DEUP1: variants seen among roughly 807,000 people sequenced by gnomAD.
DEUP1 encodes coiled-coil domain containing 67.
A neutral mutation model predicts 87.4 loss-of-function variants in DEUP1; 82 were observed. That is an observed-to-expected ratio of 0.94 (90% CI 0.78 to 1.13). The LOEUF is 1.13. Among genes scored for constraint, DEUP1 ranks in the 50% most tolerant of loss-of-function variants. The pLI is 0.00. For missense variants in DEUP1, 663 were observed against 681.5 expected, an observed-to-expected ratio of 0.97 and a Z score of 0.30; for synonymous variants, 214 against 222.7, an observed-to-expected ratio of 0.96 and a Z score of 0.35.
In DEUP1 at chr11:93,355,370, GA is replaced by G. The variant is rs1441851887; in HGVS notation, c.31del (p.Thr11LeufsTer11). 3.7e-6 allele frequency: 6 copies of G among 1,611,996 alleles called. No individual in the cohort carries two copies. The highest frequency in any genetic ancestry group is 5.1e-6 in the Non-Finnish European group (6 of 1,179,342). MENQAHNTM[G>X]TSPCEAELQE... ...GTATTTTACTTTCCTACAATTGCCA[GA>G]ACTTCTCCTTGTGAGGCTGAGCTTC... On this transcript the variant is annotated frameshift_variant and splice_region_variant, in exon 3 of 14. Transcript: ENST00000298050. LOFTEE classifies it high-confidence loss of function.
At chr11:93,367,799 A>T (rs186427139) in intron 5 of DEUP1, among the ~76,000 whole-genome samples, 3 of 152,304 alleles carry the variant, frequency 2.0e-5, no homozygotes, top group Admixed American at 2.0e-4. Flanking sequence ...TTTGTTTCCA[A>T]CCATGTTGTT....
intron 2 of DEUP1, among the ~76,000 whole-genome samples, chr11:93,348,672 A>C (rs1268895274): frequency 6.6e-6 from 1 of 152,132 alleles, no homozygotes; most frequent in Non-Finnish European, 1.5e-5. Context: ...TTGATTTCTA[A>C]TTTGACTTTT....
At chr11:93,373,636 T>TAA (rs1223887580) in intron 7 of DEUP1, among the ~76,000 whole-genome samples, 5 of 146,824 alleles carry the variant, frequency 3.4e-5, no homozygotes, top group African/African-American at 7.5e-5. Context: ...TATATATATA[T>TAA]ATATATATAT....
chr11:93,342,891 G>A (rs776970958), intron 2 of DEUP1, among the ~76,000 whole-genome samples: 1 of 152,144 alleles, frequency 6.6e-6, no homozygotes, highest in Non-Finnish European at 1.5e-5. Context: ...GGATCATGAG[G>A]GGTTTTTATC....
rs180833115 is a variant in DEUP1 at position 93,356,402 on chromosome 11, A to C, written c.202-546A>C. On this transcript the variant is annotated intron_variant, in intron 3 of 13. Transcript: ENST00000298050. ...ATGGCATATGCATTCTTCTTCTTTT[A>C]GCTTTTATATGTATACTGACACAGA... Among the ~76,000 whole-genome samples the C allele has an allele frequency of 1.4e-3, 211 of 152,310 alleles. 1 individual carries two copies. The highest frequency in any genetic ancestry group is 4.9e-3 in the African/African-American group (205 of 41,562).
At chr11:93,362,095 C>A (rs1945202604) in intron 4 of DEUP1, among the ~76,000 whole-genome samples, 1 of 151,982 alleles carries the variant, frequency 6.6e-6, no homozygotes, top group Non-Finnish European at 1.5e-5. Context: ...AAATGTAAAA[C>A]CTAAATCTAA....
At chr11:93,365,861 C>A (rs1945390055) in intron 5 of DEUP1, among the ~76,000 whole-genome samples, 1 of 152,124 alleles carries the variant, frequency 6.6e-6, no homozygotes, top group African/African-American at 2.4e-5. Context: ...TTTTAGTCTG[C>A]AGGTAAACCT....
At chr11:93,416,606 A>C (rs1386493729) in intron 13 of DEUP1, among the ~76,000 whole-genome samples, 8 of 151,876 alleles carry the variant, frequency 5.3e-5, no homozygotes, top group Admixed American at 1.3e-4. Context: ...AGGTACAAGG[A>C]GGAACTGGTA....
intron 2 of DEUP1, among the ~76,000 whole-genome samples, chr11:93,337,597 C>G (rs985394761): frequency 1.3e-5 from 2 of 152,162 alleles, no homozygotes; most frequent in East Asian, 3.8e-4. Context: ...TTTCTTGTAT[C>G]TCTGAAGAAG....
At chr11:93,384,709 T>C (rs1946456628) in intron 7 of DEUP1, among the ~76,000 whole-genome samples, 1 of 152,254 alleles carries the variant, frequency 6.6e-6, no homozygotes, top group African/African-American at 2.4e-5. Flanking sequence ...TTATTATCTT[T>C]TTACAATTTG....
chr11:93,413,713 T>C (rs1254434744), intron 12 of DEUP1, among the ~76,000 whole-genome samples: 1 of 152,202 alleles, frequency 6.6e-6, no homozygotes, highest in Non-Finnish European at 1.5e-5. Context: ...AATCTCAATG[T>C]TATTGTTTTC....
Position 93,373,632 on chromosome 11 carries a change from T to TAC in DEUP1, c.789+2353_789+2354insCA, listed in dbSNP as rs1252337940. 1.9e-3 allele frequency among the ~76,000 whole-genome samples: 270 copies of TAC among 145,244 alleles called. 2 individuals are homozygous for TAC. The East Asian group carries it at 0.025, about 13-fold the overall frequency. On this transcript the variant is annotated intron_variant, in intron 7 of 13. Coordinates refer to ENST00000298050, the MANE Select transcript of DEUP1 (RefSeq NM_181645.4). ...ATATATGTATATATATACGTATATATATATATATATATATATATACGTATA... is the reference window on the plus strand; with the variant it reads ...ATATATGTATATATATACGTATATATACATATATATATATATATATACGTATA...
intron 7 of DEUP1, among the ~76,000 whole-genome samples, chr11:93,381,455 C>A (rs1428607647): frequency 6.6e-6 from 1 of 152,146 alleles, no homozygotes; most frequent in Non-Finnish European, 1.5e-5. Context: ...GTTTATGGCA[C>A]ACTTTAATAG....
At chr11:93,413,206 A>G (rs1171604107) in intron 12 of DEUP1, among the ~76,000 whole-genome samples, 1 of 151,842 alleles carries the variant, frequency 6.6e-6, no homozygotes, top group African/African-American at 2.4e-5. Context: ...AATAATTTCA[A>G]ATTGAAGGGA....
At chr11:93,338,519 C>T (rs1165957750) in intron 2 of DEUP1, among the ~76,000 whole-genome samples, 1 of 151,790 alleles carries the variant, frequency 6.6e-6, no homozygotes, top group Non-Finnish European at 1.5e-5. Context: ...CAATCCTCCA[C>T]CTCAGCCTCC....
At chr11:93,383,397 T>A (rs777935740) in intron 7 of DEUP1, 2 of 426,370 alleles carry the variant, frequency 4.7e-6, no homozygotes, top group Admixed American at 4.0e-5. Context: ...ACCATTTGTA[T>A]GAAACATCTA....
intron 11 of DEUP1, among the ~76,000 whole-genome samples, chr11:93,402,668 T>C (rs1947154127): frequency 6.6e-6 from 1 of 151,926 alleles, no homozygotes; most frequent in Admixed American, 6.6e-5. Context: ...GGAATATTAT[T>C]CAGCCAGAAA....
intron 11 of DEUP1, among the ~76,000 whole-genome samples, chr11:93,404,482 C>A (rs1393017095): frequency 2.6e-5 from 4 of 151,934 alleles, no homozygotes; most frequent in Admixed American, 1.3e-4. Context: ...AAAATTAGTA[C>A]CCTTACAATG....
At chr11:93,366,087 G>GA (rs1287671564) in intron 5 of DEUP1, among the ~76,000 whole-genome samples, 5 of 152,120 alleles carry the variant, frequency 3.3e-5, no homozygotes, top group Admixed American at 3.3e-4. Context: ...TTGTTATGGT[G>GA]AAAAAAATTT....
Sources: gnomAD v4.1 joint callset for allele counts (sites outside exome capture counted in the v4.1 genomes callset) on GRCh38, gnomAD v4.1.1 for gene constraint, MANE v1.5 for transcripts, NCBI Gene and HGNC (gene_info 2026-07-23, HGNC 2026-07-21) for gene names.